HNF4A: variants seen among roughly 807,000 people sequenced by gnomAD.
HNF4A encodes hepatocyte nuclear factor 4 alpha.
In HNF4A, 15 loss-of-function variants were observed where a neutral mutation model predicts 52.4. That is an observed-to-expected ratio of 0.29 (90% CI 0.19 to 0.44). HNF4A has a LOEUF of 0.44. Among genes scored for constraint, HNF4A ranks in the 20% least tolerant of loss-of-function variants. The probability of loss-of-function intolerance (pLI) is 1.00; values close to 1 mark genes in which losing one functional copy is unlikely to be tolerated. For missense variants in HNF4A, 479 were observed against 647.2 expected (o/e 0.74, Z 2.82); for synonymous variants, 280 against 264.4 (o/e 1.06, Z -0.57).
chr20:44,360,715 G>A (rs755692706), intron 1 of HNF4A, among the ~76,000 whole-genome samples: 1 of 152,160 alleles, frequency 6.6e-6, no homozygotes, highest in Non-Finnish European at 1.5e-5. Context: ...AGTGCCAGGT[G>A]AGCCTAATTT....
At chr20:44,417,987 A>T (rs886088165) in intron 5 of HNF4A, among the ~76,000 whole-genome samples, 1 of 151,214 alleles carries the variant, frequency 6.6e-6, no homozygotes, top group Non-Finnish European at 1.5e-5. Flanking sequence ...AAAAAAAAAT[A>T]GAATCTGTAT....
At chr20:44,423,206 C>T in intron 7 of HNF4A, among the ~76,000 whole-genome samples, 1 of 151,994 alleles carries the variant, frequency 6.6e-6, no homozygotes, top group African/African-American at 2.4e-5. Context: ...ATCCCAGCTA[C>T]TCGGGAGGCT....
intron 3 of HNF4A, among the ~76,000 whole-genome samples, chr20:44,410,842 C>T (rs553908268): frequency 4.5e-4 from 68 of 152,124 alleles, no homozygotes; most frequent in African/African-American, 1.5e-3. Context: ...GTGAAACTTG[C>T]AGTGATCAGC....
chr20:44,384,154 G>A (rs1192958935), intron 1 of HNF4A, among the ~76,000 whole-genome samples: 2 of 91,606 alleles, frequency 2.2e-5, no homozygotes, highest in African/African-American at 3.6e-5. Flanking sequence ...CCTGGCCCCT[G>A]GCTCCTTTTT....
intron 1 of HNF4A, among the ~76,000 whole-genome samples, chr20:44,388,425 G>GGTGGTGGAA (rs1383517848): frequency 1.4e-5 from 2 of 139,598 alleles, no homozygotes; most frequent in Non-Finnish European, 1.5e-5. Flanking sequence ...AAGTTTAGTA[G>GGTGGTGGAA]GTGGTGGAAG....
At chr20:44,394,166 G>C (rs942140554) in intron 1 of HNF4A, among the ~76,000 whole-genome samples, 1 of 152,140 alleles carries the variant, frequency 6.6e-6, no homozygotes, top group South Asian at 2.1e-4. Flanking sequence ...CTGGGAGGAG[G>C]GGGAGAACGG....
chr20:44,400,953 C>G (rs1438766349), upstream of HNF4A, among the ~76,000 whole-genome samples: 1 of 151,948 alleles, frequency 6.6e-6, no homozygotes. Context: ...AGTTAGAATG[C>G]CTGACTTGGG....
chr20:44,408,122 C>T (rs1400366654), intron 3 of HNF4A: 2 of 160,958 alleles, frequency 1.2e-5, no homozygotes, highest in African/African-American at 2.4e-5. Context: ...TTCCACACTT[C>T]AGTAGGTTGG....
At chr20:44,369,043 C>T (rs1469317606) in intron 1 of HNF4A, among the ~76,000 whole-genome samples, 4 of 150,068 alleles carry the variant, frequency 2.7e-5, no homozygotes, top group Admixed American at 6.7e-5. Flanking sequence ...GTCAGGAGTT[C>T]GAGACCAGCC....
chr20:44,406,212 G>A lies in HNF4A; in HGVS notation c.270G>A (p.Lys90=), dbSNP rs1331514687. Residue 90 remains lysine (K), a synonymous_variant, in exon 2 of 10, where the codon AAG becomes AAA. Transcript: ENST00000316099. ...GCTTCTTCCGGAGGAGCGTGCGGAA[G>A]AACCACATGTACTCCTGCAGGTGAG... 2 of 1,613,584 alleles carry A rather than the reference G, an allele frequency of 1.2e-6. No individual in the cohort carries two copies. Among genetic ancestry groups the A allele is most frequent in the Non-Finnish European group, 1.7e-6 (2 of 1,180,032 alleles).
chr20:44,425,656 C>CTTTTTTT (rs10657596), intron 8 of HNF4A, among the ~76,000 whole-genome samples: 4 of 129,468 alleles, frequency 3.1e-5, no homozygotes, highest in East Asian at 2.2e-4. Context: ...TTCTTTTTTC[C>CTTTTTTT]TTTTTTTTTT....
intron 1 of HNF4A, among the ~76,000 whole-genome samples, chr20:44,376,452 T>C (rs2146226165): frequency 6.6e-6 from 1 of 152,286 alleles, no homozygotes; most frequent in East Asian, 1.9e-4. Flanking sequence ...AAGTAAGAAA[T>C]ATTACAAATA....
At chr20:44,382,293 C>T (rs1398199934) in intron 1 of HNF4A, among the ~76,000 whole-genome samples, 2 of 150,202 alleles carry the variant, frequency 1.3e-5, no homozygotes, top group Non-Finnish European at 3.0e-5. Context: ...GGCTAGAGTG[C>T]GGTGGCGAGA....
At chr20:44,428,526 G>A in intron 9 of HNF4A, 39 bp downstream of exon 9, 5 of 1,600,508 alleles carry the variant, frequency 3.1e-6, no homozygotes, top group Non-Finnish European at 4.3e-6. Flanking sequence ...AAAGGGTGAG[G>A]ATGGGGCTTA....
chr20:44,425,679 A>T (rs2063807345), intron 8 of HNF4A, among the ~76,000 whole-genome samples: 1 of 111,096 alleles, frequency 9.0e-6, no homozygotes, highest in African/African-American at 3.1e-5. Flanking sequence ...TTTTGAGACG[A>T]GATCTCTCTC....
chr20:44,405,481 C>T (rs1350163073), intron 1 of HNF4A, among the ~76,000 whole-genome samples: 1 of 152,128 alleles, frequency 6.6e-6, no homozygotes, highest in African/African-American at 2.4e-5. Flanking sequence ...CTCTACGGCC[C>T]CCCTCACATT....
At chr20:44,398,055 G>T (rs955764144), upstream of HNF4A, among the ~76,000 whole-genome samples, 1 of 152,138 alleles carries the variant, frequency 6.6e-6, no homozygotes, top group Non-Finnish European at 1.5e-5. Flanking sequence ...AGGAGTTTTT[G>T]TCTGTTATGT....
upstream of HNF4A, among the ~76,000 whole-genome samples, chr20:44,397,648 C>CA (rs1419879782): frequency 1.3e-5 from 2 of 150,778 alleles, no homozygotes; most frequent in African/African-American, 4.9e-5. Flanking sequence ...TTTTTTTAGA[C>CA]AGAGTCTTGC....
At chr20:44,409,612 C>T (rs984211856) in intron 3 of HNF4A, among the ~76,000 whole-genome samples, 2 of 152,106 alleles carry the variant, frequency 1.3e-5, no homozygotes, top group African/African-American at 4.8e-5. Context: ...CCTGGTCCTG[C>T]GTGTGGTCAG....
Sources: gnomAD v4.1 joint callset for allele counts (sites outside exome capture counted in the v4.1 genomes callset) on GRCh38, gnomAD v4.1.1 for gene constraint, MANE v1.5 for transcripts, NCBI Gene and HGNC (gene_info 2026-07-23, HGNC 2026-07-21) for gene names.